ADCY2: variants seen among roughly 807,000 people sequenced by gnomAD.
The protein encoded by ADCY2 is adenylate cyclase 2.
ADCY2 carries 31 observed loss-of-function variants against 125.2 expected under a neutral mutation model. That is an observed-to-expected ratio of 0.25 (90% CI 0.19 to 0.33). ADCY2 has a LOEUF of 0.33. Ranked by LOEUF, ADCY2 falls within the 10% of genes least tolerant of loss-of-function variation. The pLI is 1.00. For missense variants in ADCY2, 904 were observed against 1,418.2 expected, an observed-to-expected ratio of 0.64 and a Z score of 5.82; for synonymous variants, 512 against 548.4, an observed-to-expected ratio of 0.93 and a Z score of 0.93.
At chr5:7,577,883 T>A (rs1004036036) in intron 3 of ADCY2, among the ~76,000 whole-genome samples, 6 of 152,262 alleles carry the variant, frequency 3.9e-5, no homozygotes, top group Admixed American at 3.3e-4. Context: ...GAAAGTCAAA[T>A]TATGGGGCCC....
At chr5:7,458,621 C>G (rs1741799117) in intron 2 of ADCY2, among the ~76,000 whole-genome samples, 1 of 152,254 alleles carries the variant, frequency 6.6e-6, no homozygotes, top group Non-Finnish European at 1.5e-5. Flanking sequence ...TTCTGTCTAA[C>G]ATTGTGGCTC....
chr5:7,653,794 A>G (rs1236304293), intron 4 of ADCY2, among the ~76,000 whole-genome samples: 1 of 152,186 alleles, frequency 6.6e-6, no homozygotes, highest in Non-Finnish European at 1.5e-5. Context: ...TGCAATTGAC[A>G]CTTTTTTTCC....
At chr5:7,533,957 A>G (rs931853788) in intron 3 of ADCY2, among the ~76,000 whole-genome samples, 7 of 152,200 alleles carry the variant, frequency 4.6e-5, no homozygotes, top group African/African-American at 4.8e-5. Context: ...CCCATAGCCA[A>G]TGGAGATGCT....
intron 3 of ADCY2, among the ~76,000 whole-genome samples, chr5:7,570,890 A>G (rs1736046279): frequency 6.6e-6 from 1 of 152,172 alleles, no homozygotes; most frequent in South Asian, 2.1e-4. Flanking sequence ...GCTGTTGTCA[A>G]TATTCTTTCA....
intron 2 of ADCY2, among the ~76,000 whole-genome samples, chr5:7,420,039 C>T (rs1389714530): frequency 6.6e-6 from 1 of 152,172 alleles, no homozygotes; most frequent in Admixed American, 6.5e-5. Context: ...ACCTGTGCTT[C>T]TCAAACGGGA....
At chr5:7,580,258 AAAGTT>A (rs1364953615) in intron 3 of ADCY2, among the ~76,000 whole-genome samples, 1 of 152,240 alleles carries the variant, frequency 6.6e-6, no homozygotes, top group African/African-American at 2.4e-5. Context: ...AATCTAAAAT[AAAGTT>A]AACATTACTT....
At chr5:7,576,548 C>G (rs2126607315) in intron 3 of ADCY2, among the ~76,000 whole-genome samples, 1 of 152,328 alleles carries the variant, frequency 6.6e-6, no homozygotes, top group African/African-American at 2.4e-5. Context: ...ATTGCAAGGG[C>G]TCTTGGGTAA....
intron 3 of ADCY2, among the ~76,000 whole-genome samples, chr5:7,592,435 C>T (rs922018960): frequency 2.0e-5 from 3 of 151,790 alleles, no homozygotes; most frequent in Admixed American, 6.6e-5. Flanking sequence ...AAATATAATT[C>T]GATTGAAAGA....
chr5:7,396,243 G>A lies in ADCY2; in HGVS notation c.-54G>A, dbSNP rs1447042556. On this transcript the variant is annotated 5_prime_UTR_variant, in exon 1 of 25. Transcript: ENST00000338316. The surrounding 1 kb of genome is among the most constrained non-coding windows in gnomAD (Gnocchi z 5.7). ...GGGGTGGGACGCGGGCGGCCGCGGC[G>A]AGCGGCGCTGCCCGGGCCGGGCGCG... 7 of 958,092 alleles carry A rather than the reference G, an allele frequency of 7.3e-6. No homozygotes were observed. Among genetic ancestry groups the A allele is most frequent in the African/African-American group, 1.8e-5 (1 of 56,040 alleles). 59.3% of individuals were successfully genotyped at this position (958,092 alleles called of 1,614,324 possible). A position where few individuals can be genotyped will look rare whatever the true frequency, so the allele number is the denominator to read the frequency against.
intron 2 of ADCY2, among the ~76,000 whole-genome samples, chr5:7,421,632 C>A (rs1213432912): frequency 6.6e-6 from 1 of 152,200 alleles, no homozygotes; most frequent in Non-Finnish European, 1.5e-5. Context: ...AGTTCAACTC[C>A]TAACTGACAA....
At chr5:7,546,705 C>G (rs1735158525) in intron 3 of ADCY2, among the ~76,000 whole-genome samples, 1 of 152,212 alleles carries the variant, frequency 6.6e-6, no homozygotes, top group African/African-American at 2.4e-5. Flanking sequence ...GCACAACCTG[C>G]TAGACTAAAA....
At chr5:7,468,261 G>C (rs1267151179) in intron 2 of ADCY2, among the ~76,000 whole-genome samples, 1 of 152,174 alleles carries the variant, frequency 6.6e-6, no homozygotes, top group Non-Finnish European at 1.5e-5. Context: ...TAAAATCGGA[G>C]ACAGGGCATG....
chr5:7,597,811 G>A (rs745844306), intron 3 of ADCY2, among the ~76,000 whole-genome samples: 11 of 152,108 alleles, frequency 7.2e-5, no homozygotes, highest in Admixed American at 2.0e-4. Context: ...CAGTAGTAGC[G>A]TAGAGCTGGA....
chr5:7,728,137 G>T (rs1741988074), intron 14 of ADCY2, among the ~76,000 whole-genome samples: 1 of 151,690 alleles, frequency 6.6e-6, no homozygotes, highest in Non-Finnish European at 1.5e-5. Context: ...TCAATTGTTT[G>T]CTTGCGTTTA....
chr5:7,718,256 C>G (rs1039513678), intron 12 of ADCY2, among the ~76,000 whole-genome samples: 10 of 150,018 alleles, frequency 6.7e-5, no homozygotes, highest in Admixed American at 1.3e-4. Context: ...TCACGCCGTT[C>G]TCCTGCCTCA....
chr5:7,520,645 C>T (rs1308695814), intron 2 of ADCY2, 93 bp from the exon 3 acceptor site: 2 of 1,379,560 alleles, frequency 1.4e-6, no homozygotes, highest in African/African-American at 2.8e-5. Flanking sequence ...ATGTCTCATG[C>T]TGTTCTATGC....
At position 7,766,913 on chromosome 5, in the gene ADCY2, C is replaced by T. The variant is rs144519035; in HGVS notation, c.2214+107C>T. ...ATCTGTTCTAGACTTTGCATTTCCT[C>T]TCTGGTATCAATCCCTGAGTGGTTC... On this transcript the variant is annotated intron_variant, in intron 17 of 24. Transcript: ENST00000338316. 34 of 1,370,842 alleles carry T rather than the reference C, an allele frequency of 2.5e-5. No individual in the cohort carries two copies. In the African/African-American group the frequency reaches 3.9e-4, roughly 16 times the overall value. The allele number at this position is 1,370,842 out of a possible 1,614,324, so 84.9% of individuals were successfully genotyped here.
At chr5:7,424,004 C>G (rs761236746) in intron 2 of ADCY2, among the ~76,000 whole-genome samples, 2 of 152,200 alleles carry the variant, frequency 1.3e-5, no homozygotes, top group African/African-American at 2.4e-5. Flanking sequence ...CCCTAAAACC[C>G]TGATTCACCA....
intron 2 of ADCY2, among the ~76,000 whole-genome samples, chr5:7,461,895 T>C (rs1741931474): frequency 6.6e-6 from 1 of 152,246 alleles, no homozygotes; most frequent in Non-Finnish European, 1.5e-5. Context: ...TAAGCATCTA[T>C]GATAATGAAA....
Sources: allele counts gnomAD v4.1 joint callset (sites outside exome capture counted in the v4.1 genomes callset), GRCh38; gene constraint gnomAD v4.1.1; non-coding constraint Gnocchi (gnomAD v3.1); transcripts MANE v1.5; gene names NCBI Gene and HGNC (gene_info 2026-07-23, HGNC 2026-07-21).